Variants in RCL1 observed in about 807,000 individuals in gnomAD.
The protein encoded by RCL1 is RNA 3'-terminal phosphate cyclase-like protein.
In RCL1, 24 loss-of-function variants were observed where a neutral mutation model predicts 42.4. The ratio of observed to expected loss-of-function variants is 0.57; its 90% confidence interval spans 0.41 to 0.80. The LOEUF (loss-of-function observed/expected upper bound fraction) is 0.80, where lower values mean the gene tolerates loss of function less well. Ranked by LOEUF, RCL1 falls within the 30% of genes least tolerant of loss-of-function variation. RCL1 has a pLI of 0.00. For synonymous variants in RCL1, 228 were observed against 177.3 expected (o/e 1.29, Z -2.27); for missense variants, 578 against 467.9 (o/e 1.24, Z -2.17).
chr9:4,827,560 T>C (rs1816802406), intron 3 of RCL1, among the ~76,000 whole-genome samples: 1 of 152,170 alleles, frequency 6.6e-6, no homozygotes. Flanking sequence ...TGGTAGTTTG[T>C]GGGTGTCAGC....
chr9:4,844,322 T>G (rs561794174), intron 6 of RCL1, among the ~76,000 whole-genome samples: 1 of 152,288 alleles, frequency 6.6e-6, no homozygotes, highest in South Asian at 2.1e-4. Flanking sequence ...TAAAATTTTG[T>G]GGAGAGATGC....
intron 5 of RCL1, among the ~76,000 whole-genome samples, chr9:4,837,298 A>G (rs1336693866): frequency 6.6e-6 from 1 of 152,152 alleles, no homozygotes; most frequent in Non-Finnish European, 1.5e-5. Flanking sequence ...CTGTTGCCAA[A>G]TACACTGCGG....
At chr9:4,841,166 C>G in intron 5 of RCL1, 66 bp from the exon 6 acceptor site, 2 of 1,595,570 alleles carry the variant, frequency 1.3e-6, no homozygotes, top group East Asian at 2.2e-5. Flanking sequence ...TACTTGCCAG[C>G]TTTATAACTG....
At chr9:4,797,588 A>C (rs1842931980) in intron 1 of RCL1, among the ~76,000 whole-genome samples, 1 of 152,204 alleles carries the variant, frequency 6.6e-6, no homozygotes, top group African/African-American at 2.4e-5. Flanking sequence ...GGTGCTGCTA[A>C]ATATCCTACA....
rs1490329198 is a variant in RCL1, at chr9:4,851,981, A to C, written c.971+2431A>C. ...CTGCAAGCTCCGCCTCCCGGGTTCA[A>C]CGCCATTCTCCTACCTCAGCCTCCC... On this transcript the variant is annotated intron_variant, in intron 8 of 8. Coordinates refer to ENST00000381750, the MANE Select transcript of RCL1 (RefSeq NM_005772.5). 1.3e-4 allele frequency among the ~76,000 whole-genome samples: 19 copies of C among 149,340 alleles called. No homozygotes were observed. In the East Asian group the frequency reaches 3.1e-3, roughly 24 times the overall value.
chr9:4,818,858 C>G (rs1232196546), intron 1 of RCL1, among the ~76,000 whole-genome samples: 2 of 125,460 alleles, frequency 1.6e-5, no homozygotes, highest in East Asian at 4.5e-4. Flanking sequence ...GGCAACGCAG[C>G]AAGACTCTGT....
At chr9:4,837,542 G>A (rs950634030) in intron 5 of RCL1, among the ~76,000 whole-genome samples, 1 of 152,080 alleles carries the variant, frequency 6.6e-6, no homozygotes, top group Non-Finnish European at 1.5e-5. Context: ...GTCTGGAAAT[G>A]TGATTTCTGG....
At chr9:4,843,522 T>G (rs1817404860) in intron 6 of RCL1, among the ~76,000 whole-genome samples, 1 of 152,200 alleles carries the variant, frequency 6.6e-6, no homozygotes, top group African/African-American at 2.4e-5. Context: ...ATAACACATA[T>G]TTCCCACAAG....
chr9:4,837,839 C>G (rs187687874), intron 5 of RCL1, among the ~76,000 whole-genome samples: 2 of 152,280 alleles, frequency 1.3e-5, no homozygotes, highest in East Asian at 3.9e-4. Flanking sequence ...GTTCCTCCCT[C>G]CCTGGAGGCA....
chr9:4,845,226 G>A (rs1817473391), intron 7 of RCL1, among the ~76,000 whole-genome samples: 1 of 152,194 alleles, frequency 6.6e-6, no homozygotes, highest in South Asian at 2.1e-4. Flanking sequence ...ATTTAAAAAA[G>A]CACAGAATAA....
chr9:4,854,827 C>T (rs1236102796), intron 8 of RCL1, among the ~76,000 whole-genome samples: 3 of 152,104 alleles, frequency 2.0e-5, no homozygotes, highest in African/African-American at 4.8e-5. Flanking sequence ...GAGGCCGAGG[C>T]GGGTAGATCA....
At chr9:4,842,673 G>A (rs755106378) in intron 6 of RCL1, among the ~76,000 whole-genome samples, 1 of 152,158 alleles carries the variant, frequency 6.6e-6, no homozygotes, top group Non-Finnish European at 1.5e-5. Context: ...TTGTCACATG[G>A]TAAGTCCTAC....
At position 4,837,914 on chromosome 9, in the gene RCL1, C is replaced by T. The variant is rs192707902; in HGVS notation, c.585-3318C>T. Among the ~76,000 whole-genome samples, 85 of 152,252 alleles carry T rather than the reference C, an allele frequency of 5.6e-4. 1 individual carries two copies. The highest frequency in any genetic ancestry group is 5.6e-3 in the Admixed American group (85 of 15,284). ...CTGGTTGAGGCTTCCTCCTGGCTCC[C>T]CAGGAGAGTTGACACAGTGCCCTTT... On this transcript the variant is annotated intron_variant, in intron 5 of 8. Coordinates refer to ENST00000381750, the MANE Select transcript of RCL1 (RefSeq NM_005772.5).
chr9:4,795,497 G>A (rs530548567), intron 1 of RCL1, among the ~76,000 whole-genome samples: 1 of 152,288 alleles, frequency 6.6e-6, no homozygotes, highest in African/African-American at 2.4e-5. Flanking sequence ...ATACGTGCAC[G>A]CATAAATAGA....
chr9:4,833,354 A>T, intron 4 of RCL1, 126 bp downstream of exon 4: 1 of 718,280 alleles, frequency 1.4e-6, no homozygotes, highest in Non-Finnish European at 2.5e-6. Flanking sequence ...CAGAAGACTC[A>T]CAGGGCTCAT....
intron 7 of RCL1, among the ~76,000 whole-genome samples, chr9:4,846,826 G>C (rs1454797629): frequency 1.3e-5 from 2 of 152,134 alleles, no homozygotes; most frequent in African/African-American, 4.8e-5. Flanking sequence ...ATAAGCCTCA[G>C]GGTAAAAGCA....
At chr9:4,840,161 G>A (rs1338610034) in intron 5 of RCL1, among the ~76,000 whole-genome samples, 6 of 152,008 alleles carry the variant, frequency 3.9e-5, no homozygotes, top group African/African-American at 9.7e-5. Context: ...ACCAGATCAG[G>A]TCATGTATCG....
At chr9:4,810,722 T>C (rs761546372) in intron 1 of RCL1, among the ~76,000 whole-genome samples, 1 of 152,238 alleles carries the variant, frequency 6.6e-6, no homozygotes, top group Non-Finnish European at 1.5e-5. Context: ...CCCAAGTGGT[T>C]GTACAAAGTG....
chr9:4,839,877 T>C (rs772615696), intron 5 of RCL1: 54 of 985,558 alleles, frequency 5.5e-5, no homozygotes, highest in Non-Finnish European at 6.5e-5. Flanking sequence ...CAAGTGGAGC[T>C]AACACTTGGG....
Sources: gnomAD v4.1 joint callset for allele counts (sites outside exome capture counted in the v4.1 genomes callset) on GRCh38, gnomAD v4.1.1 for gene constraint, MANE v1.5 for transcripts, NCBI Gene and HGNC (gene_info 2026-07-23, HGNC 2026-07-21) for gene names.